PCDHA10: variants seen among roughly 807,000 people sequenced by gnomAD.
PCDHA10 encodes the protein protocadherin alpha-10.
PCDHA10 carries 45 observed loss-of-function variants against 61.2 expected under a neutral mutation model. The ratio of observed to expected loss-of-function variants is 0.74; its 90% CI spans 0.58 to 0.94. The LOEUF is 0.94. Ranked by LOEUF, PCDHA10 falls within the 40% of genes least tolerant of loss-of-function variation. PCDHA10 has a pLI of 0.00. For synonymous variants in PCDHA10, 602 were observed against 548.8 expected (o/e 1.10, Z -1.35); for missense variants, 1,278 against 1,236.2 (o/e 1.03, Z -0.51).
At chr5:140,877,511 C>G in intron 1 of PCDHA10, 1 of 1,613,808 alleles carries the variant, frequency 6.2e-7, no homozygotes, top group South Asian at 1.1e-5. Context: ...AAGACGTCGT[C>G]GCGGGCCTCA....
At chr5:140,963,146 T>C (rs1230280019) in intron 1 of PCDHA10, among the ~76,000 whole-genome samples, 2 of 152,074 alleles carry the variant, frequency 1.3e-5, no homozygotes, top group African/African-American at 4.8e-5. Flanking sequence ...TTTGGATGAA[T>C]TTAAAAATGA....
At chr5:140,970,562 A>G (rs1406680335) in intron 1 of PCDHA10, among the ~76,000 whole-genome samples, 1 of 152,156 alleles carries the variant, frequency 6.6e-6, no homozygotes, top group African/African-American at 2.4e-5. Flanking sequence ...TCGTCTCCAT[A>G]TGTATGCTTG....
chr5:140,928,973 T>G (rs782178426), intron 1 of PCDHA10: 3 of 1,613,958 alleles, frequency 1.9e-6, no homozygotes, highest in Non-Finnish European at 2.5e-6. Flanking sequence ...ATTTCCTTTT[T>G]ATTTCTGGGG....
At chr5:140,885,581 G>A (rs984552337) in intron 1 of PCDHA10, among the ~76,000 whole-genome samples, 5 of 152,098 alleles carry the variant, frequency 3.3e-5, no homozygotes, top group African/African-American at 1.2e-4. Flanking sequence ...ATGTGGAATT[G>A]ATGCATCAAA....
chr5:140,905,162 G>A (rs2071641359), intron 1 of PCDHA10, among the ~76,000 whole-genome samples: 1 of 152,118 alleles, frequency 6.6e-6, no homozygotes, highest in African/African-American at 2.4e-5. Flanking sequence ...GAATTTTCAT[G>A]GTTTCAGGTT....
chr5:140,856,568 A>C lies in PCDHA10; in HGVS notation c.520A>C (p.Asn174His). 6.3e-7 allele frequency: 1 copy of C among 1,597,928 alleles called. No homozygotes were observed. Among genetic ancestry groups the C allele is most frequent in the Non-Finnish European group, 8.6e-7 (1 of 1,167,446 alleles). Residue 174 changes from asparagine (N) to histidine (H), a missense_variant, in exon 1 of 4, where the codon AAT becomes CAT. By Grantham distance (68) the Asn-to-His change is moderately conservative. Transcript: ENST00000307360. ...NALLTYKLSP[N>H]EYFVLDIINK... ...ATTGCTTACTTACAAACTCAGTCCA[A>C]ATGAGTATTTTGTTCTTGATATTAT...
intron 1 of PCDHA10, among the ~76,000 whole-genome samples, chr5:140,935,284 A>G (rs576807866): frequency 6.6e-6 from 1 of 152,340 alleles, no homozygotes; most frequent in South Asian, 2.1e-4. Context: ...AATAAAGTTC[A>G]GCACTCCGAG....
At chr5:140,976,718 C>A (rs2096728735) in intron 1 of PCDHA10, among the ~76,000 whole-genome samples, 1 of 152,096 alleles carries the variant, frequency 6.6e-6, no homozygotes, top group South Asian at 2.1e-4. Context: ...CATTATAGTT[C>A]ATTTATTTAA....
chr5:140,927,172 G>C (rs782548172), intron 1 of PCDHA10: 2 of 1,614,034 alleles, frequency 1.2e-6, no homozygotes, highest in African/African-American at 2.7e-5. Flanking sequence ...AGCTGCCTGC[G>C]TCTTGACCTA....
chr5:141,002,917 T>C (rs572461368), intron 3 of PCDHA10, among the ~76,000 whole-genome samples: 1 of 152,310 alleles, frequency 6.6e-6, no homozygotes, highest in East Asian at 1.9e-4. Context: ...ATCAGAAAAG[T>C]GAACACCCTC....
chr5:140,884,265 T>A, intron 1 of PCDHA10: 1 of 1,613,432 alleles, frequency 6.2e-7, no homozygotes, highest in Middle Eastern at 1.6e-4. Context: ...GCAACGGTGC[T>A]GTTGTCGCTG....
intron 1 of PCDHA10, chr5:140,930,486 G>T (rs1211564539): frequency 6.6e-6 from 1 of 152,320 alleles, no homozygotes; most frequent in Non-Finnish European, 1.5e-5. Flanking sequence ...GCCTCCCAAA[G>T]TGCTGGGATT....
chr5:140,996,410 G>A (rs1195533511), intron 3 of PCDHA10, among the ~76,000 whole-genome samples: 2 of 152,222 alleles, frequency 1.3e-5, no homozygotes, highest in African/African-American at 2.4e-5. Flanking sequence ...GGTGGGGCAG[G>A]CAGTGTGAAA....
chr5:140,868,708 A>C, intron 1 of PCDHA10: 1 of 186,682 alleles, frequency 5.4e-6, no homozygotes, highest in Non-Finnish European at 1.1e-5. Context: ...CATAGACACA[A>C]TAATTTAAAT....
At chr5:140,999,321 A>G (rs1043394227) in intron 3 of PCDHA10, among the ~76,000 whole-genome samples, 32 of 152,198 alleles carry the variant, frequency 2.1e-4, no homozygotes, top group Non-Finnish European at 3.2e-4. Context: ...ACAGACATTG[A>G]TCTGTGTGAT....
chr5:140,884,285 G>A, intron 1 of PCDHA10: 1 of 1,613,598 alleles, frequency 6.2e-7, no homozygotes. Flanking sequence ...GGTGGAGAGC[G>A]GCCAAGCGCC....
chr5:140,942,796 G>C (rs2093370095), intron 1 of PCDHA10, among the ~76,000 whole-genome samples: 1 of 152,002 alleles, frequency 6.6e-6, no homozygotes, highest in Non-Finnish European at 1.5e-5. Flanking sequence ...ACAAAGGCAT[G>C]TTTTCCACAA....
rs199714982 is a variant in PCDHA10, at chr5:140,967,252, G to T, written c.2389-11697G>T. On this transcript the variant is annotated intron_variant, in intron 1 of 3. Coordinates refer to ENST00000307360, the MANE Select transcript of PCDHA10 (RefSeq NM_018901.4). ...AGCTTCAGGTAAGCGAATCGGTGGC[G>T]CCTGGAGCGCGCTTTCACATAGAGA... 6.0e-5 allele frequency: 97 copies of T among 1,613,386 alleles called. 1 individual carries two copies. Among genetic ancestry groups the T allele is most frequent in the Non-Finnish European group, 8.0e-5 (94 of 1,179,870 alleles).
intron 1 of PCDHA10, chr5:140,876,687 C>T: frequency 6.2e-7 from 1 of 1,614,212 alleles, no homozygotes; most frequent in Non-Finnish European, 8.5e-7. Flanking sequence ...AGAATTACTA[C>T]TCGTTGGTGC....
Sources: gnomAD v4.1 joint callset for allele counts (sites outside exome capture counted in the v4.1 genomes callset) on GRCh38, gnomAD v4.1.1 for gene constraint, MANE v1.5 for transcripts, NCBI Gene and HGNC (gene_info 2026-07-23, HGNC 2026-07-21) for gene names.